Variants in ACBD6 observed in about 807,000 individuals in gnomAD.
ACBD6 encodes acyl-CoA binding domain containing 6.
ACBD6 carries 28 observed loss-of-function variants against 37.2 expected under a neutral mutation model. The observed-to-expected ratio is 0.75, with a 90% CI of 0.56 to 1.03. The LOEUF is 1.03. ACBD6 is among the 50% of genes least tolerant of loss of function. ACBD6 has a pLI of 0.00. For synonymous variants in ACBD6, 113 were observed against 126.8 expected (o/e 0.89, Z 0.73); for missense variants, 340 against 337.4 (o/e 1.01, Z -0.06).
At chr1:180,334,903 G>A (rs1651640305) in intron 6 of ACBD6, among the ~76,000 whole-genome samples, 1 of 152,164 alleles carries the variant, frequency 6.6e-6, no homozygotes, top group Non-Finnish European at 1.5e-5. Context: ...CTGGAAGAAA[G>A]GGTATCAGTG....
Position 180,414,299 on chromosome 1 carries a change from A to G in ACBD6, c.468-828T>C, listed in dbSNP as rs577384700. On this transcript the variant is annotated intron_variant, in intron 4 of 7. Transcript: ENST00000367595. ...CCCATATGTGGACTGAATTTTATGAACAAGTATAAAGGAATGCATTTTGCG... is the reference window on the plus strand; with the variant it reads ...CCCATATGTGGACTGAATTTTATGAGCAAGTATAAAGGAATGCATTTTGCG... 2.6e-5 allele frequency among the ~76,000 whole-genome samples: 4 copies of G among 152,344 alleles called. No individual in the cohort carries two copies. In the South Asian group the frequency reaches 8.3e-4, roughly 32 times the overall value.
chr1:180,502,386 A>G lies in ACBD6; in HGVS notation c.-120T>C. 1 of 1,137,554 alleles carries G rather than the reference A, an allele frequency of 8.8e-7. No homozygotes were observed. The highest frequency in any genetic ancestry group is 1.3e-6 in the Non-Finnish European group (1 of 773,152). 70.5% of individuals were successfully genotyped at this position (1,137,554 alleles called of 1,614,324 possible). ...CGAGCCTGAGCTCCAGTCGGACCCA[A>G]GCTCAGTCGCGGCGCGCTCCCTCAC... On this transcript the variant is annotated 5_prime_UTR_variant, in exon 1 of 8. Transcript: ENST00000367595.
At chr1:180,435,140 GTA>G (rs1648971777) in intron 3 of ACBD6, 1 of 718,204 alleles carries the variant, frequency 1.4e-6, no homozygotes. Flanking sequence ...TCAAGACAGG[GTA>G]CAAGCAGAAG....
At chr1:180,421,281 C>A (rs911480967) in intron 4 of ACBD6, among the ~76,000 whole-genome samples, 2 of 152,324 alleles carry the variant, frequency 1.3e-5, no homozygotes, top group South Asian at 4.1e-4. Flanking sequence ...GTTTTCTCTT[C>A]CTGTGTTAGT....
intron 3 of ACBD6, among the ~76,000 whole-genome samples, chr1:180,458,707 T>C (rs1184674674): frequency 1.3e-5 from 2 of 152,070 alleles, no homozygotes; most frequent in Non-Finnish European, 2.9e-5. Context: ...CAATGAAAAG[T>C]TATATCAAAT....
intron 3 of ACBD6, among the ~76,000 whole-genome samples, chr1:180,438,823 T>C (rs556656585): frequency 1.4e-3 from 206 of 152,288 alleles, no homozygotes; most frequent in Admixed American, 3.3e-3. Context: ...TCTATGGGTT[T>C]GACAAACATA....
In ACBD6 at chr1:180,502,569, A is replaced by G. The variant is rs1382256696; in HGVS notation, c.-303T>C. ...GGCCCCTCCAACGGAACAGGAGTCGAGGGGCAGTGAGGCCGGGATGCGTGC... is the reference window on the plus strand; with the variant it reads ...GGCCCCTCCAACGGAACAGGAGTCGGGGGGCAGTGAGGCCGGGATGCGTGC... On this transcript the variant is annotated 5_prime_UTR_variant, in exon 1 of 8. Transcript: ENST00000367595. The G allele has an allele frequency of 2.4e-6, 1 of 420,226 alleles. No homozygotes were observed. Among genetic ancestry groups the G allele is most frequent in the Non-Finnish European group, 4.5e-6 (1 of 224,008 alleles). 26.0% of individuals were successfully genotyped at this position (420,226 alleles called of 1,614,324 possible). A position where few individuals can be genotyped will look rare whatever the true frequency, so the allele number is the denominator to read the frequency against.
chr1:180,318,170 C>CCCT lies in ACBD6; in HGVS notation c.664-3449_664-3448insAGG, dbSNP rs1553291922. Among the ~76,000 whole-genome samples, 125 of 93,702 alleles carry CCCT rather than the reference C, an allele frequency of 1.3e-3. 3 individuals carry two copies. Among genetic ancestry groups the CCCT allele is most frequent in the African/African-American group, 8.3e-3 (122 of 14,620 alleles). The allele number at this position is 93,702 out of a possible 152,430, so 61.5% of individuals were successfully genotyped here. A position where few individuals can be genotyped will look rare whatever the true frequency, so the allele number is the denominator to read the frequency against. On this transcript the variant is annotated intron_variant, in intron 6 of 7. Coordinates refer to ENST00000367595, the MANE Select transcript of ACBD6 (RefSeq NM_032360.4). ...GAGTAAGATTCCATCTCCGCCCCCC[C>CCCT]CCCCCAAAAAAAAAAGAAAGAAAGA...
intron 6 of ACBD6, among the ~76,000 whole-genome samples, chr1:180,376,101 T>C (rs369246239): frequency 3.3e-5 from 5 of 152,052 alleles, no homozygotes; most frequent in African/African-American, 9.7e-5. Context: ...CACTCATAAT[T>C]AGAGAAATGA....
chr1:180,384,802 T>C (rs1397060230), intron 6 of ACBD6, among the ~76,000 whole-genome samples: 2 of 152,158 alleles, frequency 1.3e-5, no homozygotes, highest in Non-Finnish European at 2.9e-5. Flanking sequence ...GCATACACAA[T>C]GGAATACTAG....
chr1:180,297,373 A>C (rs553777675), intron 7 of ACBD6, among the ~76,000 whole-genome samples: 2 of 152,334 alleles, frequency 1.3e-5, no homozygotes, highest in South Asian at 4.1e-4. Context: ...TAAGTGAATC[A>C]AAGTGGAGGG....
chr1:180,289,038 T>TAAAAAAAAAA (rs11353397), intron 7 of ACBD6, among the ~76,000 whole-genome samples: 13 of 102,936 alleles, frequency 1.3e-4, no homozygotes, highest in Non-Finnish European at 2.1e-4. Flanking sequence ...CTACAGGAAC[T>TAAAAAAAAAA]AAAAAAAAAA....
At chr1:180,341,391 T>C (rs1651982651) in intron 6 of ACBD6, among the ~76,000 whole-genome samples, 1 of 152,118 alleles carries the variant, frequency 6.6e-6, no homozygotes, top group South Asian at 2.1e-4. Flanking sequence ...TGTTTTAAAA[T>C]TGTATCTCTA....
At chr1:180,445,844 A>G (rs1649449609) in intron 3 of ACBD6, among the ~76,000 whole-genome samples, 1 of 152,234 alleles carries the variant, frequency 6.6e-6, no homozygotes, top group African/African-American at 2.4e-5. Flanking sequence ...GAAGTATCCA[A>G]TGCCACAGAA....
At chr1:180,340,568 A>G (rs907054403) in intron 6 of ACBD6, among the ~76,000 whole-genome samples, 1 of 152,072 alleles carries the variant, frequency 6.6e-6, no homozygotes, top group Non-Finnish European at 1.5e-5. Flanking sequence ...GCAAGGGGCT[A>G]GAGGATAGCA....
At chr1:180,337,656 C>T (rs1571378854) in intron 6 of ACBD6, among the ~76,000 whole-genome samples, 1 of 152,140 alleles carries the variant, frequency 6.6e-6, no homozygotes, top group Admixed American at 6.6e-5. Flanking sequence ...CTGGCCAGGG[C>T]AATCAGGCAG....
intron 3 of ACBD6, 61 bp downstream of exon 3, chr1:180,492,207 AT>A (rs1651531823): frequency 6.4e-6 from 8 of 1,247,386 alleles, no homozygotes; most frequent in Non-Finnish European, 9.4e-6. Flanking sequence ...AGTTTTAGAC[AT>A]TTATTTCAGA....
intron 3 of ACBD6, among the ~76,000 whole-genome samples, chr1:180,466,639 C>T (rs1650358028): frequency 6.6e-6 from 1 of 152,076 alleles, no homozygotes; most frequent in Non-Finnish European, 1.5e-5. Flanking sequence ...TTGGGATAAA[C>T]TTCATTAAAA....
At chr1:180,490,232 G>T (rs1027067293) in intron 3 of ACBD6, among the ~76,000 whole-genome samples, 8 of 152,176 alleles carry the variant, frequency 5.3e-5, no homozygotes, top group African/African-American at 1.9e-4. Context: ...GGGGGCACCT[G>T]TTTTGAGCAC....
Sources: gnomAD v4.1 joint callset for allele counts (sites outside exome capture counted in the v4.1 genomes callset) on GRCh38, gnomAD v4.1.1 for gene constraint, MANE v1.5 for transcripts, NCBI Gene and HGNC (gene_info 2026-07-23, HGNC 2026-07-21) for gene names.